MEIKIN: variants seen among roughly 807,000 people sequenced by gnomAD.
MEIKIN encodes meiosis-specific kinetochore protein.
At chr5:131,875,231 G>A (rs959877421) in intron 9 of MEIKIN, among the ~76,000 whole-genome samples, 4 of 152,152 alleles carry the variant, frequency 2.6e-5, no homozygotes, top group East Asian at 1.9e-4. Context: ...ACATGATTGT[G>A]TATCTAGAAA....
intron 8 of MEIKIN, among the ~76,000 whole-genome samples, chr5:131,879,350 T>C (rs1750667241): frequency 1.3e-5 from 2 of 152,192 alleles, no homozygotes; most frequent in Admixed American, 1.3e-4. Context: ...TATCCTACCA[T>C]TTCCACTCTC....
In MEIKIN at chr5:131,841,015, A is replaced by AT. The variant is rs556938985; in HGVS notation, c.975+10248dup. Among the ~76,000 whole-genome samples, 29 of 151,636 alleles carry AT rather than the reference A, an allele frequency of 1.9e-4. 1 individual carries two copies. The East Asian group carries it at 5.6e-3, about 29-fold the overall frequency. ...AGTTTTTGAAGTTGCTGTTCTTCAG[A>AT]TTTTTTTTCTTTATCTTATTTGATG... On this transcript the variant is annotated intron_variant, in intron 11 of 12. Coordinates refer to ENST00000442687, the MANE Select transcript of MEIKIN (RefSeq NM_001303622.2).
At chr5:131,825,101 A>G (rs1204081954) in intron 11 of MEIKIN, among the ~76,000 whole-genome samples, 1 of 152,054 alleles carries the variant, frequency 6.6e-6, no homozygotes. Context: ...TCAAGAGGCT[A>G]AGGTGGGAGG....
At chr5:131,908,739 T>C (rs1286276895) in intron 8 of MEIKIN, among the ~76,000 whole-genome samples, 2 of 152,176 alleles carry the variant, frequency 1.3e-5, no homozygotes, top group East Asian at 3.8e-4. Context: ...AGTTACTTGA[T>C]ACAAAATCAA....
intron 5 of MEIKIN, among the ~76,000 whole-genome samples, chr5:131,926,110 A>G (rs548861971): frequency 6.2e-4 from 94 of 152,344 alleles, no homozygotes; most frequent in African/African-American, 2.1e-3. Context: ...AGTATTCAGC[A>G]TACTTCCTGA....
intron 8 of MEIKIN, among the ~76,000 whole-genome samples, chr5:131,910,075 C>T (rs552324659): frequency 1.2e-4 from 19 of 152,004 alleles, no homozygotes; most frequent in Admixed American, 7.2e-4. Flanking sequence ...TGAGTATATA[C>T]GCAAACAAAA....
chr5:131,876,943 CA>C (rs1231964886), intron 9 of MEIKIN, among the ~76,000 whole-genome samples: 1 of 141,328 alleles, frequency 7.1e-6, no homozygotes, highest in Non-Finnish European at 1.5e-5. Flanking sequence ...GGGAATTGAA[CA>C]GTGAGAACAC....
chr5:131,875,362 A>G (rs552712496), intron 9 of MEIKIN, among the ~76,000 whole-genome samples: 91 of 152,326 alleles, frequency 6.0e-4, no homozygotes, highest in South Asian at 2.9e-3. Flanking sequence ...AGAGAAACAG[A>G]GAGCCAAATC....
At chr5:131,852,505 C>T (rs1315641033) in intron 10 of MEIKIN, among the ~76,000 whole-genome samples, 4 of 152,090 alleles carry the variant, frequency 2.6e-5, no homozygotes, top group Non-Finnish European at 5.9e-5. Context: ...AGTACTGATA[C>T]CTGCTATAAC....
At chr5:131,884,116 T>C (rs985871522) in intron 8 of MEIKIN, among the ~76,000 whole-genome samples, 1 of 145,756 alleles carries the variant, frequency 6.9e-6, no homozygotes, top group Non-Finnish European at 1.5e-5. Context: ...AGGCGAGTCC[T>C]AGTGCTGAAC....
chr5:131,824,159 G>T (rs1749568467), intron 11 of MEIKIN, among the ~76,000 whole-genome samples: 2 of 152,160 alleles, frequency 1.3e-5, no homozygotes, highest in Non-Finnish European at 2.9e-5. Flanking sequence ...TTTCCCTCCA[G>T]TGTGGTGAGT....
intron 4 of MEIKIN, among the ~76,000 whole-genome samples, chr5:131,941,579 C>T (rs1448203126): frequency 6.6e-6 from 1 of 152,114 alleles, no homozygotes; most frequent in African/African-American, 2.4e-5. Context: ...AATCTTGTCT[C>T]ATTTGCTTTT....
chr5:131,875,736 T>C (rs1346429926), intron 9 of MEIKIN, among the ~76,000 whole-genome samples: 1 of 152,170 alleles, frequency 6.6e-6, no homozygotes, highest in East Asian at 1.9e-4. Flanking sequence ...GCTACCTGAT[T>C]TCAAACTATA....
intron 5 of MEIKIN, among the ~76,000 whole-genome samples, chr5:131,930,950 A>G (rs1027051515): frequency 6.6e-6 from 1 of 152,176 alleles, no homozygotes; most frequent in Non-Finnish European, 1.5e-5. Context: ...GACAATTTGT[A>G]TATCTCCATT....
At chr5:131,854,322 C>T (rs1375215651) in intron 10 of MEIKIN, among the ~76,000 whole-genome samples, 2 of 151,968 alleles carry the variant, frequency 1.3e-5, no homozygotes, top group African/African-American at 4.8e-5. Context: ...ATGGTGGTTT[C>T]CAGGGGTGGG....
At chr5:131,882,623 C>T (rs754342302) in intron 8 of MEIKIN, among the ~76,000 whole-genome samples, 5 of 152,236 alleles carry the variant, frequency 3.3e-5, no homozygotes, top group Non-Finnish European at 7.4e-5. Flanking sequence ...ATCATGTCAT[C>T]CCTCTGCTCT....
At chr5:131,933,979 T>C (rs1391015862) in intron 4 of MEIKIN, among the ~76,000 whole-genome samples, 1 of 152,022 alleles carries the variant, frequency 6.6e-6, no homozygotes, top group African/African-American at 2.4e-5. Context: ...CGAGTCTCAC[T>C]CTATAGCCCA....
chr5:131,880,808 T>C (rs566008847), intron 8 of MEIKIN, among the ~76,000 whole-genome samples: 1 of 152,358 alleles, frequency 6.6e-6, no homozygotes, highest in South Asian at 2.1e-4. Flanking sequence ...CAGAGGCTAA[T>C]AGGGTTGCCA....
chr5:131,917,980 C>T (rs557357024), intron 6 of MEIKIN, among the ~76,000 whole-genome samples: 2 of 152,280 alleles, frequency 1.3e-5, no homozygotes, highest in South Asian at 4.1e-4. Context: ...TAACTCAATG[C>T]TGTGAGAGCC....
Sources: allele counts gnomAD v4.1 joint callset (sites outside exome capture counted in the v4.1 genomes callset), GRCh38; gene constraint gnomAD v4.1.1; transcripts MANE v1.5; gene names NCBI Gene and HGNC (gene_info 2026-07-23, HGNC 2026-07-21).